LYSMD1: variants seen among roughly 807,000 people sequenced by gnomAD.
LYSMD1 encodes lysM and putative peptidoglycan-binding domain-containing protein 1.
A neutral mutation model predicts 19.3 loss-of-function variants in LYSMD1; 9 were observed. The ratio of observed to expected loss-of-function variants is 0.47; its 90% CI spans 0.28 to 0.81. The LOEUF (loss-of-function observed/expected upper bound fraction) is 0.81. LYSMD1 is among the 40% of genes least tolerant of loss of function. The pLI is 0.11. For missense variants in LYSMD1, 262 were observed against 279.8 expected (o/e 0.94, Z 0.45); for synonymous variants, 111 against 111.7 (o/e 0.99, Z 0.04).
chr1:151,159,354 A>G (rs1683352904), downstream of LYSMD1: 1 of 1,216,940 alleles, frequency 8.2e-7, no homozygotes, highest in Non-Finnish European at 1.1e-6. Flanking sequence ...ACACTTTTCA[A>G]TCTTCAGGCT....
At position 151,165,251 on chromosome 1, in the gene LYSMD1, G is replaced by A. The variant is rs767247516; in HGVS notation, c.8C>T (p.Ser3Phe). The A allele has an allele frequency of 7.4e-6, 12 of 1,612,198 alleles. No individual in the cohort carries two copies. The highest frequency in any genetic ancestry group is 9.3e-6 in the Non-Finnish European group (11 of 1,179,000). Residue 3 changes from serine (S) to phenylalanine (F), a missense_variant, in exon 1 of 3, where the codon TCC becomes TTC. Transcript: ENST00000368908. ...CCCTGGCGGGGGCTGTCTAGACGGG[G>A]AAGCCATCTCTTCACCCTGCCAACA... Reference protein sequence around the residue: MASPSRQPPPGGS... With the variant: MAFPSRQPPPGGS...
chr1:151,165,220 T>C lies in LYSMD1; in HGVS notation c.39A>G (p.Ser13=). 1 of 1,614,106 alleles carries C rather than the reference T, an allele frequency of 6.2e-7. No homozygotes were observed. Among genetic ancestry groups the C allele is most frequent in the East Asian group, 2.2e-5 (1 of 44,882 alleles). The change falls in exon 1 of 3, where the codon TCA becomes TCG. Residue 13 remains serine (S), a synonymous_variant. Coordinates refer to ENST00000368908, the MANE Select transcript of LYSMD1 (RefSeq NM_212551.5). ...GAGCCCGGCTCCCTTGAAGCAGTCC[T>C]GACCCCCCTGGCGGGGGCTGTCTAG... ...SPSRQPPPGG[S]GLLQGSRARS...
At chr1:151,157,081 AG>A (rs2101679247), downstream of LYSMD1, among the ~76,000 whole-genome samples, 1 of 152,296 alleles carries the variant, frequency 6.6e-6, no homozygotes, top group East Asian at 1.9e-4. Context: ...AGACTGAAAC[AG>A]GGAGAGAGGG....
chr1:151,157,088 G>C (rs1207465085), downstream of LYSMD1, among the ~76,000 whole-genome samples: 1 of 152,176 alleles, frequency 6.6e-6, no homozygotes, highest in Non-Finnish European at 1.5e-5. Context: ...AACAGGGAGA[G>C]AGGGAGAAGA....
At chr1:151,158,248 G>T (rs980707989), downstream of LYSMD1, among the ~76,000 whole-genome samples, 2 of 151,782 alleles carry the variant, frequency 1.3e-5, no homozygotes, top group Admixed American at 6.6e-5. Flanking sequence ...GCTTGAACCC[G>T]GGAGGTGGAG....
chr1:151,158,365 C>T (rs748680834), downstream of LYSMD1, among the ~76,000 whole-genome samples: 1 of 151,614 alleles, frequency 6.6e-6, no homozygotes, highest in Non-Finnish European at 1.5e-5. Context: ...TAAGCCCTGT[C>T]TTCACTGCAG....
chr1:151,159,832 T>A lies in LYSMD1; in HGVS notation c.*1050A>T, dbSNP rs1683367195. On this transcript the variant is annotated 3_prime_UTR_variant, in exon 3 of 3. Transcript: ENST00000368908. ...AAAGGAGGTATATAAACATTACTTA[T>A]CTCACCTCTCATCATTTCCAAACAG... 1 of 167,490 alleles carries A rather than the reference T, an allele frequency of 6.0e-6. No individual in the cohort carries two copies. The allele number at this position is 167,490 out of a possible 1,614,324, so 10.4% of individuals were successfully genotyped here. A position where few individuals can be genotyped will look rare whatever the true frequency, so the allele number is the denominator to read the frequency against.
chr1:151,165,248 G>GGTT lies in LYSMD1; in HGVS notation c.10_11insAAC (p.Ser3_Pro4insGln). ...CCCCCCTGGCGGGGGCTGTCTAGAC[G>GGTT]GGGAAGCCATCTCTTCACCCTGCCA... On this transcript the variant is annotated inframe_insertion, in exon 1 of 3. Coordinates refer to ENST00000368908, the MANE Select transcript of LYSMD1 (RefSeq NM_212551.5). The GGTT allele has an allele frequency of 6.2e-7, 1 of 1,612,516 alleles. No homozygotes were observed. Among genetic ancestry groups the GGTT allele is most frequent in the Non-Finnish European group, 8.5e-7 (1 of 1,179,128 alleles).
chr1:151,149,607 C>T, the LYSMD1 span, among the ~76,000 whole-genome samples: 2 of 151,952 alleles, frequency 1.3e-5, no homozygotes, highest in Admixed American at 6.6e-5. Flanking sequence ...AAGAATTAGC[C>T]GGGCGTGGCG....
the LYSMD1 span, among the ~76,000 whole-genome samples, chr1:151,148,670 A>G: frequency 6.6e-6 from 1 of 152,194 alleles, no homozygotes; most frequent in Non-Finnish European, 1.5e-5. Context: ...AGGACAGGAA[A>G]ACTTTGGTGG....
intron 2 of LYSMD1, among the ~76,000 whole-genome samples, chr1:151,161,365 C>T (rs1185738946): frequency 6.6e-6 from 1 of 151,998 alleles, no homozygotes; most frequent in Admixed American, 6.6e-5. Flanking sequence ...GGCGTGGTGG[C>T]GGGCGCCTGT....
At position 151,165,619 on chromosome 1, in the gene LYSMD1, C is replaced by G. The variant is rs148567160; in HGVS notation, c.-361G>C. On this transcript the variant is annotated 5_prime_UTR_variant, in exon 1 of 3. Coordinates refer to ENST00000368908, the MANE Select transcript of LYSMD1 (RefSeq NM_212551.5). ...GCCCCCAAGTAGCCTGGCCTCAGGG[C>G]GCTCCAACATCCCAGCTCTCCCCGG... The G allele has an allele frequency of 1.4e-5, 22 of 1,533,174 alleles. No homozygotes were observed. The African/African-American group carries it at 2.7e-4, about 19-fold the overall frequency. 95.0% of individuals were successfully genotyped at this position (1,533,174 alleles called of 1,614,324 possible). A position where few individuals can be genotyped will look rare whatever the true frequency, so the allele number is the denominator to read the frequency against.
At chr1:151,150,728 TTTC>T in the LYSMD1 span, among the ~76,000 whole-genome samples, 1 of 147,654 alleles carries the variant, frequency 6.8e-6, no homozygotes, top group Non-Finnish European at 1.5e-5. Flanking sequence ...TTTCTTTTCT[TTTC>T]TTTTCTTTTT....
chr1:151,154,961 C>T (rs1185249126), downstream of LYSMD1, among the ~76,000 whole-genome samples: 2 of 152,080 alleles, frequency 1.3e-5, no homozygotes, highest in Non-Finnish European at 2.9e-5. Flanking sequence ...GGTTTCACCA[C>T]GTTGGCCAGG....
rs587658826 is a variant in LYSMD1, at chr1:151,161,264, G to A, written c.546-244C>T. Among the ~76,000 whole-genome samples, 661 of 152,306 alleles carry A rather than the reference G, an allele frequency of 4.3e-3. 6 individuals are homozygous for A. The highest frequency in any genetic ancestry group is 0.01 in the Middle Eastern group (3 of 294). On this transcript the variant is annotated intron_variant, in intron 2 of 2. Transcript: ENST00000368908. Reference sequence around the variant, plus strand: ...TGTAATTCCAGCACTTTGGGAGGCCGAGGCTGGCGGATCACGAGGTCAGGA... The same window carrying A: ...TGTAATTCCAGCACTTTGGGAGGCCAAGGCTGGCGGATCACGAGGTCAGGA...
the LYSMD1 span, among the ~76,000 whole-genome samples, chr1:151,150,736 C>CTTTTTTTTT: frequency 3.2e-5 from 4 of 125,116 alleles, no homozygotes; most frequent in African/African-American, 3.5e-5. Context: ...CTTTTCTTTT[C>CTTTTTTTTT]TTTTTTTTTT....
At chr1:151,164,190 G>C (rs911239901) in intron 1 of LYSMD1, among the ~76,000 whole-genome samples, 43 of 152,132 alleles carry the variant, frequency 2.8e-4, no homozygotes, top group African/African-American at 1.0e-3. Flanking sequence ...CACCATGCCT[G>C]ACCCCTATTC....
At chr1:151,153,025 T>C in the LYSMD1 span, among the ~76,000 whole-genome samples, 2 of 152,240 alleles carry the variant, frequency 1.3e-5, no homozygotes, top group Non-Finnish European at 2.9e-5. Flanking sequence ...TTGAAAGTCA[T>C]TGAGACTTAG....
chr1:151,165,225 C>T lies in LYSMD1; in HGVS notation c.34G>A (p.Gly12Arg). 1 of 1,614,046 alleles carries T rather than the reference C, an allele frequency of 6.2e-7. No individual in the cohort carries two copies. Among genetic ancestry groups the T allele is most frequent in the Non-Finnish European group, 8.5e-7 (1 of 1,179,950 alleles). Residue 12 changes from glycine (G) to arginine (R), a missense_variant, in exon 1 of 3, where the codon GGG becomes AGG. Gly to Arg is a moderately radical substitution (Grantham distance 125, BLOSUM62 -2). Transcript: ENST00000368908. ...CGGCTCCCTTGAAGCAGTCCTGACC[C>T]CCCTGGCGGGGGCTGTCTAGACGGG... is the stretch of plus-strand genomic sequence containing the variant. ...ASPSRQPPPG[G>R]SGLLQGSRAR...
Sources: allele counts gnomAD v4.1 joint callset (sites outside exome capture counted in the v4.1 genomes callset), GRCh38; gene constraint gnomAD v4.1.1; transcripts MANE v1.5; gene names NCBI Gene and HGNC (gene_info 2026-07-23, HGNC 2026-07-21).